NRXN3: variants seen among roughly 807,000 people sequenced by gnomAD.
NRXN3 encodes neurexin 3.
Under a neutral mutation model 137.6 loss-of-function variants are expected in NRXN3, and 32 were observed. The observed-to-expected ratio is 0.23, with a 90% CI of 0.18 to 0.31. The LOEUF (loss-of-function observed/expected upper bound fraction) is 0.31, where lower values mean the gene tolerates loss of function less well. Among genes scored for constraint, NRXN3 ranks in the 10% least tolerant of loss-of-function variants. The pLI is 1.00. For missense variants in NRXN3, 1,574 were observed against 2,062.5 expected, an observed-to-expected ratio of 0.76 and a Z score of 4.59; for synonymous variants, 798 against 784.5, an observed-to-expected ratio of 1.02 and a Z score of -0.29.
chr14:79,036,066 T>G (rs777952091), intron 15 of NRXN3, among the ~76,000 whole-genome samples: 3 of 152,006 alleles, frequency 2.0e-5, no homozygotes, highest in Non-Finnish European at 2.9e-5. Context: ...ACATCGTAGT[T>G]TTTACATGGT....
chr14:78,858,719 AC>A (rs1343853496), intron 10 of NRXN3, among the ~76,000 whole-genome samples: 1 of 152,070 alleles, frequency 6.6e-6, no homozygotes. Context: ...TTTCCGGAGG[AC>A]TTTTTTGTTA....
intron 4 of NRXN3, among the ~76,000 whole-genome samples, chr14:78,613,578 GTTTTTTTTTTTT>G (rs57745190): frequency 2.1e-5 from 2 of 95,108 alleles, no homozygotes; most frequent in South Asian, 3.9e-4. Context: ...CACAACCATA[GTTTTTTTTTTTT>G]TTTTTTTTTT....
intron 20 of NRXN3, among the ~76,000 whole-genome samples, chr14:79,806,736 A>C (rs1216165260): frequency 1.3e-5 from 2 of 150,572 alleles, no homozygotes; most frequent in African/African-American, 4.9e-5. Context: ...TTTTTTAAGA[A>C]ATTAGCTGTC....
At chr14:78,421,660 TA>T (rs2093451540) in intron 4 of NRXN3, among the ~76,000 whole-genome samples, 1 of 152,146 alleles carries the variant, frequency 6.6e-6, no homozygotes, top group Non-Finnish European at 1.5e-5. Context: ...TCTCTGGATA[TA>T]AGGTAATTTT....
intron 15 of NRXN3, among the ~76,000 whole-genome samples, chr14:79,388,489 T>C (rs4903847): frequency 0.66 from 100,686 of 151,798 alleles, 34,180 homozygotes; most frequent in Middle Eastern, 0.85. Context: ...CTTCTGAGAG[T>C]GGGGTTCCTA....
At chr14:79,860,967 G>C (rs969198190) in intron 20 of NRXN3, 2 of 861,270 alleles carry the variant, frequency 2.3e-6, no homozygotes, top group African/African-American at 3.4e-5. Context: ...GGCATAATCT[G>C]TGAATGACGT....
intron 15 of NRXN3, among the ~76,000 whole-genome samples, chr14:78,989,450 G>A (rs1306742730): frequency 2.6e-5 from 4 of 152,130 alleles, no homozygotes; most frequent in African/African-American, 9.7e-5. Flanking sequence ...AATATAGAGA[G>A]AAAATTATGT....
chr14:79,227,729 T>C (rs1276607501), intron 15 of NRXN3, among the ~76,000 whole-genome samples: 1 of 141,482 alleles, frequency 7.1e-6, no homozygotes, highest in Non-Finnish European at 1.5e-5. Flanking sequence ...TTTCTCTCTC[T>C]CTCCTTTCTC....
intron 15 of NRXN3, among the ~76,000 whole-genome samples, chr14:79,350,230 G>T (rs1429524240): frequency 6.6e-6 from 1 of 152,188 alleles, no homozygotes; most frequent in African/African-American, 2.4e-5. Context: ...CTGATTGAGA[G>T]AATTGATTTC....
chr14:79,099,583 C>T (rs1357371730), intron 15 of NRXN3, among the ~76,000 whole-genome samples: 1 of 152,048 alleles, frequency 6.6e-6, no homozygotes, highest in Non-Finnish European at 1.5e-5. Context: ...GGAGAAAATG[C>T]CACCTTTATT....
At chr14:78,416,961 G>T (rs900098273) in intron 4 of NRXN3, among the ~76,000 whole-genome samples, 3 of 152,240 alleles carry the variant, frequency 2.0e-5, no homozygotes, top group African/African-American at 7.2e-5. Flanking sequence ...TATTTAAACA[G>T]ATATAAGGAC....
At chr14:79,739,801 A>G (rs976690129) in intron 19 of NRXN3, among the ~76,000 whole-genome samples, 2 of 152,038 alleles carry the variant, frequency 1.3e-5, no homozygotes, top group African/African-American at 4.8e-5. Context: ...GCCCAACTCT[A>G]TGTATCTTAC....
At chr14:78,498,752 C>T (rs1460283225) in intron 4 of NRXN3, among the ~76,000 whole-genome samples, 1 of 151,980 alleles carries the variant, frequency 6.6e-6, no homozygotes, top group Non-Finnish European at 1.5e-5. Context: ...ATATGGGGGA[C>T]TCTGGAGCTA....
At chr14:79,282,358 G>A (rs1267141263) in intron 15 of NRXN3, among the ~76,000 whole-genome samples, 3 of 152,116 alleles carry the variant, frequency 2.0e-5, no homozygotes, top group African/African-American at 7.2e-5. Flanking sequence ...GCAGGGAGAG[G>A]AAGATTATGC....
chr14:79,633,810 G>C (rs1001068461), intron 16 of NRXN3, among the ~76,000 whole-genome samples: 1 of 152,188 alleles, frequency 6.6e-6, no homozygotes, highest in African/African-American at 2.4e-5. Context: ...GATAGAGCCA[G>C]AAGTCTTCCA....
At chr14:78,615,297 C>G (rs2097336530) in intron 4 of NRXN3, among the ~76,000 whole-genome samples, 1 of 152,068 alleles carries the variant, frequency 6.6e-6, no homozygotes, top group African/African-American at 2.4e-5. Context: ...GATTTTACCC[C>G]TCAGTTAAAA....
At chr14:78,639,286 A>G (rs1200326866) in intron 4 of NRXN3, among the ~76,000 whole-genome samples, 2 of 152,162 alleles carry the variant, frequency 1.3e-5, no homozygotes, top group African/African-American at 2.4e-5. Context: ...TACGAGACCA[A>G]TTTGAAGGAC....
intron 16 of NRXN3, among the ~76,000 whole-genome samples, chr14:79,605,393 G>A (rs1381271292): frequency 6.6e-6 from 1 of 152,108 alleles, no homozygotes; most frequent in African/African-American, 2.4e-5. Context: ...TAAGTGATCT[G>A]GGAGAAGGAG....
chr14:78,459,384 T>C (rs1488665656), intron 4 of NRXN3, among the ~76,000 whole-genome samples: 1 of 152,180 alleles, frequency 6.6e-6, no homozygotes, highest in Non-Finnish European at 1.5e-5. Flanking sequence ...GTGTATGAGG[T>C]GCCCAGAAAA....
Sources: gnomAD v4.1 joint callset for allele counts (sites outside exome capture counted in the v4.1 genomes callset) on GRCh38, gnomAD v4.1.1 for gene constraint, MANE v1.5 for transcripts, NCBI Gene and HGNC (gene_info 2026-07-23, HGNC 2026-07-21) for gene names.